The following DDX1 variants were observed in gnomAD, a reference collection of about 807,000 sequenced individuals.
DDX1 encodes ATP-dependent RNA helicase DDX1.
Under a neutral mutation model 108.7 loss-of-function variants are expected in DDX1, and 28 were observed. The ratio of observed to expected loss-of-function variants is 0.26; its 90% CI spans 0.19 to 0.35. The LOEUF (loss-of-function observed/expected upper bound fraction) is 0.35, where lower values mean the gene tolerates loss of function less well. Ranked by LOEUF, DDX1 falls within the 10% of genes least tolerant of loss-of-function variation. The probability of loss-of-function intolerance (pLI) is 1.00; values close to 1 mark genes in which losing one functional copy is unlikely to be tolerated. For missense variants in DDX1, 710 were observed against 884.5 expected, an observed-to-expected ratio of 0.80 and a Z score of 2.50; for synonymous variants, 295 against 288.9, an observed-to-expected ratio of 1.02 and a Z score of -0.21.
chr2:15,625,460 A>G (rs115188435), intron 19 of DDX1, among the ~76,000 whole-genome samples: 152 of 152,266 alleles, frequency 1.0e-3, no homozygotes, highest in African/African-American at 3.6e-3. Flanking sequence ...CTAAACAAAT[A>G]TTGAATTCTA....
Position 15,596,772 on chromosome 2 carries a change from TA to T in DDX1, c.162+12del. ...GAAGTGGCAAAACTGGTGTAAGTAATAAATTATATTTACTTTCTCTCTAAAA... is the reference window on the plus strand; with the variant it reads ...GAAGTGGCAAAACTGGTGTAAGTAATAATTATATTTACTTTCTCTCTAAAA... On this transcript the variant is annotated intron_variant, in intron 4 of 25. Transcript: ENST00000233084. 6.3e-7 allele frequency: 1 copy of T among 1,598,944 alleles called. No homozygotes were observed. The highest frequency in any genetic ancestry group is 1.1e-5 in the South Asian group (1 of 89,612).
At chr2:15,612,247 A>G (rs1410422690) in intron 13 of DDX1, among the ~76,000 whole-genome samples, 1 of 149,272 alleles carries the variant, frequency 6.7e-6, no homozygotes, top group Non-Finnish European at 1.5e-5. Flanking sequence ...CTCACTTCTC[A>G]GACGGGGCGG....
In DDX1 at chr2:15,623,580, G is replaced by A; in HGVS notation, c.1592G>A (p.Gly531Glu). 4 of 1,612,354 alleles carry A rather than the reference G, an allele frequency of 2.5e-6. No homozygotes were observed. The highest frequency in any genetic ancestry group is 3.4e-6 in the Non-Finnish European group (4 of 1,179,000). The change falls in exon 19 of 26, where the codon GGA (glycine) becomes GAA (glutamate). Residue 531 changes from glycine to glutamate, a missense_variant and splice_region_variant. Transcript: ENST00000233084. ...GAGCAGTACTTTATACAACAAGGAG[G>A]AGGTAATTTTTTCTCACTTGAAATA... The part of the protein sequence containing the change: ...NLEQYFIQQG[G>E]GPDKKGHQFS...
intron 16 of DDX1, among the ~76,000 whole-genome samples, chr2:15,619,608 T>G (rs1037189939): frequency 1.3e-5 from 2 of 152,238 alleles, no homozygotes; most frequent in African/African-American, 2.4e-5. Flanking sequence ...CTCATTAAAT[T>G]TATTACTATG....
chr2:15,622,200 T>G (rs1339252911), intron 18 of DDX1, among the ~76,000 whole-genome samples: 1 of 152,238 alleles, frequency 6.6e-6, no homozygotes, highest in Non-Finnish European at 1.5e-5. Context: ...GCATTTTAAC[T>G]ATTAGTGTAC....
intron 6 of DDX1, 114 bp downstream of exon 6, chr2:15,599,830 A>T (rs886310374): frequency 2.7e-6 from 2 of 737,532 alleles, no homozygotes; most frequent in Non-Finnish European, 4.5e-6. Context: ...ATTAGAATTT[A>T]GTCACTATCA....
intron 14 of DDX1, 68 bp from the exon 15 acceptor site, chr2:15,617,176 G>C: frequency 1.5e-6 from 1 of 666,448 alleles, no homozygotes; most frequent in Non-Finnish European, 2.5e-6. Flanking sequence ...ACAGTTATTG[G>C]TTGCTATTTT....
chr2:15,614,318 C>T (rs1041121700), intron 14 of DDX1, among the ~76,000 whole-genome samples: 5 of 152,162 alleles, frequency 3.3e-5, no homozygotes, highest in Admixed American at 1.3e-4. Flanking sequence ...CATTGGTGCT[C>T]TTGTCAAACT....
Position 15,630,945 on chromosome 2 carries a change from C to G in DDX1, c.*39C>G. 6.2e-7 allele frequency: 1 copy of G among 1,603,670 alleles called. No individual in the cohort carries two copies. The highest frequency in any genetic ancestry group is 8.5e-7 in the Non-Finnish European group (1 of 1,171,860). ...TGAATAAGATTTGAGTAATGAAAGT[C>G]TGTAGTCTTAAAACTCTAAAACAGT... On this transcript the variant is annotated 3_prime_UTR_variant, in exon 26 of 26. Coordinates refer to ENST00000233084, the MANE Select transcript of DDX1 (RefSeq NM_004939.3).
In DDX1 at chr2:15,603,752, T is replaced by C. The variant is rs1405978848; in HGVS notation, c.476-62T>C. 1.7e-4 allele frequency: 183 copies of C among 1,081,554 alleles called. 3 individuals carry two copies. The East Asian group carries it at 4.5e-3, about 27-fold the overall frequency. The allele number at this position is 1,081,554 out of a possible 1,614,324, so 67.0% of individuals were successfully genotyped here. ...TACTATGTGAATAAAATTACTTCTT[T>C]TAGAGGTCTTTTAATTTTATATTTT... On this transcript the variant is annotated intron_variant, in intron 8 of 25. Transcript: ENST00000233084.
intron 12 of DDX1, among the ~76,000 whole-genome samples, chr2:15,606,893 G>A (rs1665671074): frequency 6.6e-6 from 1 of 152,150 alleles, no homozygotes; most frequent in South Asian, 2.1e-4. Flanking sequence ...CGCCATCATA[G>A]CTCACTGCAG....
rs139468620 is a variant in DDX1, at chr2:15,623,302, A to G, written c.1448-134A>G. On this transcript the variant is annotated intron_variant, in intron 18 of 25. Transcript: ENST00000233084. ...ATCTTTACTTCTTGTCCTTATCTAT[A>G]TATAATACTTTTATTAAAACAAGTA... 842 of 726,984 alleles carry G rather than the reference A, an allele frequency of 1.2e-3. 9 individuals carry two copies. In the African/African-American group the frequency reaches 0.013, roughly 11 times the overall value. 45.0% of individuals were successfully genotyped at this position (726,984 alleles called of 1,614,324 possible). A position where few individuals can be genotyped will look rare whatever the true frequency, so the allele number is the denominator to read the frequency against.
intron 17 of DDX1, 149 bp downstream of exon 17, chr2:15,620,545 C>G: frequency 1.8e-6 from 1 of 552,878 alleles, no homozygotes; most frequent in Non-Finnish European, 3.1e-6. Flanking sequence ...TTAAAAAGCA[C>G]TGAATAAGTG....
intron 13 of DDX1, 29 bp from the exon 14 acceptor site, chr2:15,613,195 T>TTTA: frequency 6.7e-7 from 1 of 1,488,864 alleles, no homozygotes; most frequent in Non-Finnish European, 9.1e-7. Context: ...TTTTTTTTTT[T>TTTA]TATATTATCA....
In DDX1 at chr2:15,617,271, A is replaced by G; in HGVS notation, c.1045A>G (p.Arg349Gly). The change falls in exon 15 of 26, where the codon AGA becomes GGA. Residue 349 changes from arginine to glycine, a missense_variant. Physicochemically the swap from Arg to Gly is moderately radical, Grantham distance 125. Transcript: ENST00000233084. ...AGATATAGTTGTAGGTACTCCGGGA[A>G]GACTAGATGACTTGGTGTCAACTGG... The part of the protein sequence containing the change: ...GVDIVVGTPG[R>G]LDDLVSTGKL... 2 of 1,591,988 alleles carry G rather than the reference A, an allele frequency of 1.3e-6. No homozygotes were observed. Among genetic ancestry groups the G allele is most frequent in the South Asian group, 2.3e-5 (2 of 87,468 alleles).
intron 10 of DDX1, among the ~76,000 whole-genome samples, chr2:15,605,446 A>G (rs1422969910): frequency 6.6e-6 from 1 of 152,186 alleles, no homozygotes; most frequent in Non-Finnish European, 1.5e-5. Context: ...TAGTCTAGCA[A>G]GATGAAGAAT....
At position 15,613,196 on chromosome 2, in the gene DDX1, T is replaced by TA. The variant is rs1491410267; in HGVS notation, c.957-27dup. The TA allele has an allele frequency of 8.7e-6, 13 of 1,489,142 alleles. No homozygotes were observed. In the African/African-American group the frequency reaches 1.1e-4, roughly 13 times the overall value. The allele number at this position is 1,489,142 out of a possible 1,614,324, so 92.2% of individuals were successfully genotyped here. ...AAGCAGACTTTAATTTTTTTTTTTT[T>TA]ATATTATCATCTTGATATTTATTTC... is the stretch of plus-strand genomic sequence containing the variant. On this transcript the variant is annotated intron_variant, in intron 13 of 25. Transcript: ENST00000233084.
At chr2:15,616,591 AG>A (rs1362482149) in intron 14 of DDX1, among the ~76,000 whole-genome samples, 2 of 152,248 alleles carry the variant, frequency 1.3e-5, no homozygotes, top group Non-Finnish European at 2.9e-5. Flanking sequence ...CTCATTGAAT[AG>A]GGATGATTAT....
chr2:15,619,403 G>A (rs900019795), intron 16 of DDX1, among the ~76,000 whole-genome samples: 2 of 152,064 alleles, frequency 1.3e-5, no homozygotes, highest in Admixed American at 1.3e-4. Flanking sequence ...GGTTGGGGTG[G>A]CCCAGTCAGC....
Sources: allele counts gnomAD v4.1 joint callset (sites outside exome capture counted in the v4.1 genomes callset), GRCh38; gene constraint gnomAD v4.1.1; transcripts MANE v1.5; gene names NCBI Gene and HGNC (gene_info 2026-07-23, HGNC 2026-07-21).